Variants in DMD observed in about 807,000 individuals in gnomAD.
DMD encodes dystrophin.
DMD carries 63 observed loss-of-function variants against 330.1 expected under a neutral mutation model. The ratio of observed to expected loss-of-function variants is 0.19; its 90% CI spans 0.16 to 0.24. The LOEUF (loss-of-function observed/expected upper bound fraction) is 0.24. Among genes scored for constraint, DMD ranks in the 10% least tolerant of loss-of-function variants. DMD has a pLI of 1.00. For missense variants in DMD, 3,344 were observed against 2,684.1 expected (o/e 1.25, Z -5.43); for synonymous variants, 1,223 against 959.8 (o/e 1.27, Z -5.07).
intron 54 of DMD, among the ~76,000 whole-genome samples, chrX:31,648,189 T>C (rs2080213259): frequency 9.0e-6 from 1 of 111,590 alleles, no homozygotes; most frequent in Non-Finnish European, 1.9e-5. Context: ...AAAAATATGA[T>C]AGAAGGAATT....
chrX:32,077,990 CTATT>C (rs777104543), intron 44 of DMD, among the ~76,000 whole-genome samples: 131 of 110,726 alleles, frequency 1.2e-3, no homozygotes, highest in African/African-American at 4.0e-3. Flanking sequence ...GATCTTGAGA[CTATT>C]TATGTTCTCC....
intron 7 of DMD, among the ~76,000 whole-genome samples, chrX:32,731,298 C>T (rs1307076265): frequency 8.9e-6 from 1 of 112,275 alleles, no homozygotes; most frequent in Non-Finnish European, 1.9e-5. Flanking sequence ...GCACAGCAGT[C>T]TGAGATCAAA....
chrX:32,102,591 A>G (rs2096545302), intron 44 of DMD, among the ~76,000 whole-genome samples: 1 of 111,661 alleles, frequency 9.0e-6, no homozygotes, highest in Admixed American at 9.6e-5. Flanking sequence ...TAGGCTATTT[A>G]TGAAATATGA....
In DMD at chrX:31,728,486, A is replaced by G. The variant is rs376177943; in HGVS notation, c.7660+1145T>C. ...GCTTATGAGGTACTGAATAAATACTAGCTATTATCAATAAGTACTTACCCA... is the reference window on the plus strand; with the variant it reads ...GCTTATGAGGTACTGAATAAATACTGGCTATTATCAATAAGTACTTACCCA... On this transcript the variant is annotated intron_variant, in intron 52 of 78. Transcript: ENST00000357033. Among the ~76,000 whole-genome samples, 96 of 112,381 alleles carry G rather than the reference A, an allele frequency of 8.5e-4. 1 individual carries two copies. The highest frequency in any genetic ancestry group is 2.9e-3 in the African/African-American group (90 of 30,987).
chrX:32,545,464 G>T, intron 16 of DMD, 130 bp from the exon 17 acceptor site: 1 of 626,072 alleles, frequency 1.6e-6, no homozygotes, highest in Non-Finnish European at 2.5e-6. Context: ...GATCAAAATA[G>T]CACCATATTG....
chrX:31,287,035 G>A (rs1261951005), intron 62 of DMD, among the ~76,000 whole-genome samples: 1 of 112,454 alleles, frequency 8.9e-6, no homozygotes, highest in Non-Finnish European at 1.9e-5. Context: ...AAAGCCTGTT[G>A]GGATTACAGG....
chrX:31,349,387 CT>C (rs2058269042), intron 60 of DMD, among the ~76,000 whole-genome samples: 1 of 112,484 alleles, frequency 8.9e-6, no homozygotes, highest in Non-Finnish European at 1.9e-5. Context: ...CGCCACTGTA[CT>C]CCAGCCTGGG....
At chrX:31,122,835 G>T (rs943407047) in intron 78 of DMD, among the ~76,000 whole-genome samples, 1 of 111,709 alleles carries the variant, frequency 9.0e-6, no homozygotes, top group Admixed American at 9.5e-5. Flanking sequence ...ATGTCCCTGG[G>T]TACTTCGTAG....
chrX:32,920,597 A>T (rs1392584440), intron 2 of DMD, among the ~76,000 whole-genome samples: 1 of 111,864 alleles, frequency 8.9e-6, no homozygotes, highest in Non-Finnish European at 1.9e-5. Flanking sequence ...TACCAGAAGT[A>T]TACAATTGAA....
At chrX:32,954,970 C>G (rs1239696240) in intron 2 of DMD, among the ~76,000 whole-genome samples, 1 of 111,856 alleles carries the variant, frequency 8.9e-6, no homozygotes, top group Non-Finnish European at 1.9e-5. Context: ...GATTCCACGT[C>G]TTTGCTATTG....
intron 54 of DMD, among the ~76,000 whole-genome samples, chrX:31,642,248 A>T (rs758056457): frequency 1.8e-5 from 2 of 112,220 alleles, no homozygotes; most frequent in Non-Finnish European, 3.8e-5. Context: ...AATAAGCTTT[A>T]GTGAAAAAAT....
chrX:31,245,614 T>C (rs1306642738), intron 63 of DMD, among the ~76,000 whole-genome samples: 1 of 112,221 alleles, frequency 8.9e-6, no homozygotes. Context: ...TGTGCTCACT[T>C]TGGGTCTGTG....
At chrX:31,911,879 A>G (rs1021202495) in intron 47 of DMD, among the ~76,000 whole-genome samples, 3 of 111,714 alleles carry the variant, frequency 2.7e-5, no homozygotes, top group Non-Finnish European at 5.6e-5. Context: ...TCAGCATTTG[A>G]AGCAAATTGG....
intron 63 of DMD, among the ~76,000 whole-genome samples, chrX:31,228,376 C>A (rs765500783): frequency 3.6e-5 from 4 of 110,478 alleles, no homozygotes; most frequent in Non-Finnish European, 5.7e-5. Context: ...CAGTGAACTG[C>A]AACGGAGTTC....
At chrX:31,204,558 T>A (rs1032917515) in intron 66 of DMD, among the ~76,000 whole-genome samples, 2 of 112,490 alleles carry the variant, frequency 1.8e-5, no homozygotes, top group Non-Finnish European at 3.8e-5. Flanking sequence ...TATGGAGTCA[T>A]AAGATCACTG....
chrX:33,083,517 G>A (rs2148259745), intron 1 of DMD, among the ~76,000 whole-genome samples: 1 of 111,341 alleles, frequency 9.0e-6, no homozygotes, highest in African/African-American at 3.3e-5. Context: ...TGAGAGACAG[G>A]ACTGTTGAGC....
intron 44 of DMD, among the ~76,000 whole-genome samples, chrX:31,996,428 A>C (rs1457819509): frequency 9.0e-6 from 1 of 111,657 alleles, no homozygotes; most frequent in African/African-American, 3.3e-5. Flanking sequence ...ATGAATCCAA[A>C]CACTATTCGA....
At position 31,862,343 on chromosome X, in the gene DMD, G is replaced by T. The variant is rs770762052; in HGVS notation, c.7098+12845C>A. Reference sequence around the variant, plus strand: ...AGACGGGGTTTCATCACCTTGGCCAGGCTGGTCTGGAACTCCTGACCTCGT... The same window carrying T: ...AGACGGGGTTTCATCACCTTGGCCATGCTGGTCTGGAACTCCTGACCTCGT... On this transcript the variant is annotated intron_variant, in intron 48 of 78. Transcript: ENST00000357033. Among the ~76,000 whole-genome samples the T allele has an allele frequency of 2.7e-5, 3 of 110,128 alleles. No individual in the cohort carries two copies. In the East Asian group the frequency reaches 8.7e-4, roughly 32 times the overall value.
intron 44 of DMD, among the ~76,000 whole-genome samples, chrX:32,094,665 T>C (rs2096494776): frequency 8.9e-6 from 1 of 111,996 alleles, no homozygotes; most frequent in Non-Finnish European, 1.9e-5. Context: ...GTTATTCAGA[T>C]GTGCAGGAAA....
Sources: gnomAD v4.1 joint callset for allele counts (sites outside exome capture counted in the v4.1 genomes callset) on GRCh38, gnomAD v4.1.1 for gene constraint, MANE v1.5 for transcripts, NCBI Gene and HGNC (gene_info 2026-07-23, HGNC 2026-07-21) for gene names.